The following GALNTL6 variants were observed in gnomAD, a reference collection of about 807,000 sequenced individuals.
GALNTL6 encodes the protein polypeptide N-acetylgalactosaminyltransferase-like 6.
A neutral mutation model predicts 73.7 loss-of-function variants in GALNTL6; 46 were observed. The observed-to-expected ratio is 0.62, with a 90% CI of 0.49 to 0.80. The LOEUF (loss-of-function observed/expected upper bound fraction) is 0.80. Ranked by LOEUF, GALNTL6 falls within the 30% of genes least tolerant of loss-of-function variation. The pLI is 0.00. For missense variants in GALNTL6, 604 were observed against 755.0 expected, an observed-to-expected ratio of 0.80 and a Z score of 2.34; for synonymous variants, 259 against 263.7, an observed-to-expected ratio of 0.98 and a Z score of 0.17.
chr4:172,846,845 C>T (rs1251385517), intron 7 of GALNTL6, among the ~76,000 whole-genome samples: 3 of 152,292 alleles, frequency 2.0e-5, no homozygotes, highest in East Asian at 1.9e-4. Context: ...ATTCTGACTA[C>T]ATGAATTTTA....
chr4:172,797,528 A>G (rs1219031787), intron 5 of GALNTL6, among the ~76,000 whole-genome samples: 10 of 151,956 alleles, frequency 6.6e-5, no homozygotes, highest in Admixed American at 5.9e-4. Flanking sequence ...TACAGGAGTG[A>G]GCCACCACGC....
At chr4:172,848,917 T>C (rs1172360558) in intron 7 of GALNTL6, among the ~76,000 whole-genome samples, 2 of 152,080 alleles carry the variant, frequency 1.3e-5, no homozygotes, top group African/African-American at 4.8e-5. Context: ...CTGTCATTTG[T>C]TTTCAACAAA....
chr4:171,970,924 A>C (rs1739551774), intron 2 of GALNTL6, among the ~76,000 whole-genome samples: 1 of 152,180 alleles, frequency 6.6e-6, no homozygotes, highest in Admixed American at 6.5e-5. Context: ...GTTTAGAGTT[A>C]ATTCAATTGA....
intron 2 of GALNTL6, among the ~76,000 whole-genome samples, chr4:171,883,202 A>G (rs1357748323): frequency 6.6e-6 from 1 of 151,816 alleles, no homozygotes; most frequent in African/African-American, 2.4e-5. Flanking sequence ...AATACAAAAA[A>G]ATTAGCTGCT....
intron 2 of GALNTL6, among the ~76,000 whole-genome samples, chr4:172,091,052 A>C (rs1015777310): frequency 1.3e-5 from 2 of 152,106 alleles, no homozygotes; most frequent in Non-Finnish European, 2.9e-5. Context: ...ATTGGTCTAT[A>C]TATCTATTTT....
At chr4:172,997,749 T>C (rs1386401991) in intron 10 of GALNTL6, among the ~76,000 whole-genome samples, 2 of 152,164 alleles carry the variant, frequency 1.3e-5, no homozygotes, top group Non-Finnish European at 2.9e-5. Flanking sequence ...TGACTATACT[T>C]CATAAAAATG....
At position 172,737,696 on chromosome 4, in the gene GALNTL6, C is replaced by T. The variant is rs183692490; in HGVS notation, c.554-71665C>T. ...GTTTCTTGTGGGTATACATCTATGT[C>T]TTTGCACTGGAGAATTAGTTATTTA... On this transcript the variant is annotated intron_variant, in intron 5 of 12. Coordinates refer to ENST00000506823, the MANE Select transcript of GALNTL6 (RefSeq NM_001034845.3). 1.7e-3 allele frequency among the ~76,000 whole-genome samples: 256 copies of T among 152,258 alleles called. 1 individual carries two copies. Among genetic ancestry groups the T allele is most frequent in the African/African-American group, 6.0e-3 (249 of 41,550 alleles).
chr4:171,914,001 A>C (rs940459555), intron 2 of GALNTL6, among the ~76,000 whole-genome samples: 10 of 152,042 alleles, frequency 6.6e-5, no homozygotes. Context: ...GGAGTTATTA[A>C]CATGGTTAAA....
chr4:172,933,286 G>A (rs1353439748), intron 9 of GALNTL6, among the ~76,000 whole-genome samples: 1 of 152,082 alleles, frequency 6.6e-6, no homozygotes, highest in East Asian at 1.9e-4. Flanking sequence ...GACAATGGGT[G>A]TGTATGCTTG....
chr4:171,856,459 G>C (rs1275718025), intron 2 of GALNTL6, among the ~76,000 whole-genome samples: 1 of 151,916 alleles, frequency 6.6e-6, no homozygotes, highest in East Asian at 1.9e-4. Context: ...AATTTTTTAT[G>C]AATCATATAT....
In GALNTL6 at chr4:172,859,911, C is replaced by T. The variant is rs554921402; in HGVS notation, c.924-22879C>T. On this transcript the variant is annotated intron_variant, in intron 7 of 12. Transcript: ENST00000506823. The stretch of plus-strand genomic sequence containing the variant: ...ATCTCCCATCACCCCCAGATGGGAC[C>T]GTCTAGTTGCAGAAAAAATAAGCTC... Among the ~76,000 whole-genome samples, 37 of 152,214 alleles carry T rather than the reference C, an allele frequency of 2.4e-4. No individual in the cohort carries two copies. The South Asian group carries it at 3.7e-3, about 15-fold the overall frequency.
rs889179308 is a variant in GALNTL6, at chr4:172,809,686, A to G, written c.739+140A>G. Reference sequence around the variant, plus strand: ...GGAAGCCTTGAATTTTATATTTACCACTGCTGAAAACAGTTTACTAGGTAA... The same window carrying G: ...GGAAGCCTTGAATTTTATATTTACCGCTGCTGAAAACAGTTTACTAGGTAA... On this transcript the variant is annotated intron_variant, in intron 6 of 12. Coordinates refer to ENST00000506823, the MANE Select transcript of GALNTL6 (RefSeq NM_001034845.3). The surrounding 1 kb of genome is among the most constrained non-coding windows in gnomAD (Gnocchi z 4.4). 1.7e-6 allele frequency: 1 copy of G among 590,412 alleles called. No homozygotes were observed. Among genetic ancestry groups the G allele is most frequent in the Non-Finnish European group, 2.9e-6 (1 of 347,000 alleles). The allele number at this position is 590,412 out of a possible 1,614,324, so 36.6% of individuals were successfully genotyped here.
At chr4:172,332,153 A>G (rs1050141730) in intron 4 of GALNTL6, among the ~76,000 whole-genome samples, 2 of 152,114 alleles carry the variant, frequency 1.3e-5, no homozygotes, top group Admixed American at 6.6e-5. Context: ...CCAGTTGGCC[A>G]TTTGTGTGTC....
intron 2 of GALNTL6, among the ~76,000 whole-genome samples, chr4:172,012,193 TCTC>T (rs1741030092): frequency 6.6e-6 from 1 of 152,054 alleles, no homozygotes; most frequent in Non-Finnish European, 1.5e-5. Flanking sequence ...TCCTTTGTCT[TCTC>T]CTGCAGGCAC....
Position 172,968,430 on chromosome 4 carries a change from C to T in GALNTL6, c.1371+16172C>T, listed in dbSNP as rs528314155. 1.9e-4 allele frequency among the ~76,000 whole-genome samples: 29 copies of T among 152,274 alleles called. No individual in the cohort carries two copies. In the South Asian group the frequency reaches 2.9e-3, roughly 15 times the overall value. On this transcript the variant is annotated intron_variant, in intron 10 of 12. Coordinates refer to ENST00000506823, the MANE Select transcript of GALNTL6 (RefSeq NM_001034845.3). ...GAACCAGTAATGTAAACCATGCTAA[C>T]GCAGAGTTACCCTGCATATATCTGA...
At chr4:171,918,367 T>C (rs1189760371) in intron 2 of GALNTL6, among the ~76,000 whole-genome samples, 1 of 152,102 alleles carries the variant, frequency 6.6e-6, no homozygotes, top group African/African-American at 2.4e-5. Context: ...AGAGATACAG[T>C]AATATGATGT....
chr4:171,859,033 G>C (rs1188259370), intron 2 of GALNTL6, among the ~76,000 whole-genome samples: 1 of 152,052 alleles, frequency 6.6e-6, no homozygotes, highest in South Asian at 2.1e-4. Context: ...ATTTTTCCAT[G>C]TAAATGCTAA....
chr4:172,953,610 T>C (rs1405761272), intron 10 of GALNTL6, among the ~76,000 whole-genome samples: 1 of 152,206 alleles, frequency 6.6e-6, no homozygotes, highest in Non-Finnish European at 1.5e-5. Flanking sequence ...TCCAGATCCC[T>C]GTAGAAGACG....
At chr4:172,799,582 A>C (rs1740488373) in intron 5 of GALNTL6, among the ~76,000 whole-genome samples, 1 of 152,142 alleles carries the variant, frequency 6.6e-6, no homozygotes, top group Admixed American at 6.5e-5. Context: ...TCCACATTCA[A>C]CCAAAATTTA....
Sources: allele counts gnomAD v4.1 joint callset (sites outside exome capture counted in the v4.1 genomes callset), GRCh38; gene constraint gnomAD v4.1.1; non-coding constraint Gnocchi (gnomAD v3.1); transcripts MANE v1.5; gene names NCBI Gene and HGNC (gene_info 2026-07-23, HGNC 2026-07-21).